The following UBE2G2 variants were observed in gnomAD, a reference collection of about 807,000 sequenced individuals.
UBE2G2 encodes the protein ubiquitin conjugating enzyme E2 G2.
Under a neutral mutation model 23.0 loss-of-function variants are expected in UBE2G2, and 10 were observed. The observed-to-expected ratio is 0.43, with a 90% CI of 0.27 to 0.74. The LOEUF (loss-of-function observed/expected upper bound fraction) is 0.74. Ranked by LOEUF, UBE2G2 falls within the 30% of genes least tolerant of loss-of-function variation. The probability of loss-of-function intolerance (pLI) is 0.19; values close to 1 mark genes in which losing one functional copy is unlikely to be tolerated. For missense variants in UBE2G2, 150 were observed against 218.3 expected, an observed-to-expected ratio of 0.69 and a Z score of 1.97; for synonymous variants, 86 against 81.3, an observed-to-expected ratio of 1.06 and a Z score of -0.31.
At chr21:44,775,437 G>A (rs1249358488) in intron 4 of UBE2G2, 2 of 152,186 alleles carry the variant, frequency 1.3e-5, no homozygotes, top group African/African-American at 4.8e-5. Flanking sequence ...CTTTCAGTAC[G>A]TGTGTTGAAT....
chr21:44,773,427 CA>C, intron 5 of UBE2G2, 119 bp downstream of exon 5: 1 of 1,274,538 alleles, frequency 7.8e-7, no homozygotes, highest in East Asian at 2.6e-5. Flanking sequence ...ATGGCAATAG[CA>C]TGTGTAAACT....
At chr21:44,795,618 T>C (rs550928591) in intron 1 of UBE2G2, among the ~76,000 whole-genome samples, 126 of 147,980 alleles carry the variant, frequency 8.5e-4, no homozygotes, top group Admixed American at 2.7e-3. Flanking sequence ...AGTGACAGAG[T>C]GAGAACCTGT....
intron 1 of UBE2G2, among the ~76,000 whole-genome samples, chr21:44,790,084 T>C (rs1457626846): frequency 6.6e-6 from 1 of 152,124 alleles, no homozygotes; most frequent in Non-Finnish European, 1.5e-5. Context: ...CATGAGAAAA[T>C]GCTCAACATT....
chr21:44,779,255 C>A, intron 3 of UBE2G2: 1 of 427,886 alleles, frequency 2.3e-6, no homozygotes. Flanking sequence ...GCAGTGATTG[C>A]TTCATGGAGA....
rs940634844 is a variant in UBE2G2, at chr21:44,769,208, A to C, written c.*2169T>G. 1.3e-5 allele frequency: 2 copies of C among 152,190 alleles called. No homozygotes were observed. Among genetic ancestry groups the C allele is most frequent in the Admixed American group, 6.5e-5 (1 of 15,278 alleles). The allele number at this position is 152,190 out of a possible 1,614,324, so 9.4% of individuals were successfully genotyped here. On this transcript the variant is annotated 3_prime_UTR_variant, in exon 6 of 6. Coordinates refer to ENST00000345496, the MANE Select transcript of UBE2G2 (RefSeq NM_003343.6). Reference sequence around the variant, plus strand: ...CTCTCCCGATCTCACAGAAGCCTCCAGGCAATTGTGTGCCCCTCCAGGGCC... The same window carrying C: ...CTCTCCCGATCTCACAGAAGCCTCCCGGCAATTGTGTGCCCCTCCAGGGCC...
chr21:44,798,234 G>A (rs2083109108), intron 1 of UBE2G2, among the ~76,000 whole-genome samples: 1 of 152,156 alleles, frequency 6.6e-6, no homozygotes, highest in African/African-American at 2.4e-5. Flanking sequence ...ACAATCATAT[G>A]AGCCTTCAGC....
chr21:44,773,532 A>C lies in UBE2G2; in HGVS notation c.385+15T>G. On this transcript the variant is annotated intron_variant, in intron 5 of 5. Transcript: ENST00000345496. Reference sequence around the variant, plus strand: ...GGTGTCCACGGCAGCTCCTGCCAGGAGGCTCGGGCCTTACCTGCCAGCATG... The same window carrying C: ...GGTGTCCACGGCAGCTCCTGCCAGGCGGCTCGGGCCTTACCTGCCAGCATG... 2 of 1,604,184 alleles carry C rather than the reference A, an allele frequency of 1.2e-6. No individual in the cohort carries two copies. Among genetic ancestry groups the C allele is most frequent in the Non-Finnish European group, 1.7e-6 (2 of 1,178,600 alleles).
chr21:44,801,555 CGCGGCACTCCGCG>C, intron 1 of UBE2G2, 138 bp downstream of exon 1: 1 of 1,181,736 alleles, frequency 8.5e-7, no homozygotes, highest in East Asian at 3.2e-5. Context: ...GGGCGCAGGG[CGCGGCACTCCGCG>C]GGACCCACAG....
At chr21:44,784,443 A>C (rs1411123311) in intron 3 of UBE2G2, among the ~76,000 whole-genome samples, 4 of 152,216 alleles carry the variant, frequency 2.6e-5, no homozygotes, top group African/African-American at 9.7e-5. Context: ...ATGTGGCAAT[A>C]ACTTCTTCAT....
Position 44,774,691 on chromosome 21 carries a change from G to C in UBE2G2, c.245-1004C>G, listed in dbSNP as rs1555960352. On this transcript the variant is annotated intron_variant, in intron 4 of 5. Coordinates refer to ENST00000345496, the MANE Select transcript of UBE2G2 (RefSeq NM_003343.6). ...ACTGAACCACAACTTCTCATTCAAG[G>C]AGAGTGGAAGAAACTAGATGCATAC... 3 of 456,186 alleles carry C rather than the reference G, an allele frequency of 6.6e-6. No homozygotes were observed. The Admixed American group carries it at 7.1e-5, about 11-fold the overall frequency. 28.3% of individuals were successfully genotyped at this position (456,186 alleles called of 1,614,324 possible). A position where few individuals can be genotyped will look rare whatever the true frequency, so the allele number is the denominator to read the frequency against.
intron 1 of UBE2G2, chr21:44,800,863 G>C (rs1555964640): frequency 1.3e-5 from 2 of 152,108 alleles, no homozygotes; most frequent in African/African-American, 4.8e-5. Context: ...CAGGTATTTT[G>C]CTAAGCACTT....
chr21:44,788,614 A>G (rs1485294955), intron 1 of UBE2G2, among the ~76,000 whole-genome samples: 1 of 138,576 alleles, frequency 7.2e-6, no homozygotes, highest in Non-Finnish European at 1.7e-5. Flanking sequence ...CCAACAAAAC[A>G]TAGACTTTTC....
chr21:44,778,363 T>C (rs1045070288), intron 3 of UBE2G2, among the ~76,000 whole-genome samples: 4 of 152,232 alleles, frequency 2.6e-5, no homozygotes, highest in Non-Finnish European at 5.9e-5. Flanking sequence ...TGATGCAACA[T>C]TGGAGCAACT....
chr21:44,801,579 G>T (rs28728356), intron 1 of UBE2G2, 127 bp downstream of exon 1: 103 of 1,299,512 alleles, frequency 7.9e-5, no homozygotes, highest in East Asian at 4.4e-4. Flanking sequence ...GGACCCACAG[G>T]GGGGCTCACG....
intron 1 of UBE2G2, among the ~76,000 whole-genome samples, chr21:44,799,504 C>T (rs963324613): frequency 1.3e-5 from 2 of 152,216 alleles, no homozygotes; most frequent in African/African-American, 4.8e-5. Flanking sequence ...AGGTTATTTA[C>T]TTCAATCTCA....
intron 1 of UBE2G2, 90 bp downstream of exon 1, chr21:44,801,616 G>T: frequency 2.8e-6 from 4 of 1,417,266 alleles, no homozygotes; most frequent in Non-Finnish European, 2.8e-6. Context: ...CGGCTCCCCC[G>T]CCAGGCTCCC....
At chr21:44,795,168 CAGG>C (rs1467935497) in intron 1 of UBE2G2, among the ~76,000 whole-genome samples, 1 of 151,964 alleles carries the variant, frequency 6.6e-6, no homozygotes, top group African/African-American at 2.4e-5. Context: ...GAAGCTGAGG[CAGG>C]AGAATTACTT....
At chr21:44,793,193 A>G (rs2083058723) in intron 1 of UBE2G2, among the ~76,000 whole-genome samples, 2 of 152,376 alleles carry the variant, frequency 1.3e-5, no homozygotes, top group East Asian at 3.9e-4. Flanking sequence ...ACTGCTAAGC[A>G]GGTGGGGTGC....
chr21:44,771,829 A>G lies in UBE2G2; in HGVS notation c.386-340T>C, dbSNP rs1335704563. On this transcript the variant is annotated intron_variant, in intron 5 of 5. Transcript: ENST00000345496. This position sits in a 1 kb window ranked among gnomAD's most constrained non-coding sequence, Gnocchi z 4.6. ...GCCACTGCACTTCTGGCACCCGGAC[A>G]AGCTACACGGGGACCACCTGCTGCT... 5.3e-5 allele frequency among the ~76,000 whole-genome samples: 8 copies of G among 152,204 alleles called. No homozygotes were observed. The highest frequency in any genetic ancestry group is 1.9e-4 in the African/African-American group (8 of 41,442).
Sources: allele counts gnomAD v4.1 joint callset (sites outside exome capture counted in the v4.1 genomes callset), GRCh38; gene constraint gnomAD v4.1.1; non-coding constraint Gnocchi (gnomAD v3.1); transcripts MANE v1.5; gene names NCBI Gene and HGNC (gene_info 2026-07-23, HGNC 2026-07-21).